FBXO11: variants seen among roughly 807,000 people sequenced by gnomAD.
FBXO11 encodes the protein F-box only protein 11.
In FBXO11, 13 loss-of-function variants were observed where a neutral mutation model predicts 117.0. That is an observed-to-expected ratio of 0.11 (90% confidence interval 0.07 to 0.18). The LOEUF (loss-of-function observed/expected upper bound fraction) is 0.18, where lower values mean the gene tolerates loss of function less well. Among genes scored for constraint, FBXO11 ranks in the 10% least tolerant of loss-of-function variants. FBXO11 has a pLI of 1.00. For synonymous variants in FBXO11, 490 were observed against 380.5 expected (o/e 1.29, Z -3.35); for missense variants, 767 against 1,164.4 (o/e 0.66, Z 4.97).
At chr2:47,861,125 C>T (rs1572862286) in intron 1 of FBXO11, among the ~76,000 whole-genome samples, 1 of 152,306 alleles carries the variant, frequency 6.6e-6, no homozygotes, top group South Asian at 2.1e-4. Flanking sequence ...GCTGGAATTA[C>T]AGGCATGAAC....
chr2:47,872,469 G>C (rs1056124133), intron 1 of FBXO11, among the ~76,000 whole-genome samples: 5 of 152,114 alleles, frequency 3.3e-5, no homozygotes, highest in Non-Finnish European at 7.4e-5. Flanking sequence ...GACTACAGGA[G>C]TGCGCCACCA....
intron 1 of FBXO11, among the ~76,000 whole-genome samples, chr2:47,875,685 TTC>T (rs1675950082): frequency 6.6e-6 from 1 of 152,154 alleles, no homozygotes; most frequent in African/African-American, 2.4e-5. Flanking sequence ...AAAATAAATT[TTC>T]TCTTTGTTCT....
chr2:47,821,586 G>T (rs1306168867), intron 13 of FBXO11, among the ~76,000 whole-genome samples: 2 of 151,586 alleles, frequency 1.3e-5, no homozygotes, highest in African/African-American at 4.9e-5. Context: ...CTCCAGCCTG[G>T]GTGATAGAGA....
intron 1 of FBXO11, among the ~76,000 whole-genome samples, chr2:47,858,333 T>C (rs1040446273): frequency 6.6e-6 from 1 of 151,502 alleles, no homozygotes; most frequent in African/African-American, 2.4e-5. Flanking sequence ...TTTCATGTAG[T>C]AAATCTACAG....
chr2:47,818,555 C>T (rs757069376), intron 16 of FBXO11: 16 of 436,702 alleles, frequency 3.7e-5, no homozygotes, highest in Middle Eastern at 6.4e-4. Context: ...GAAAGCAGAA[C>T]GGTGGAAGTG....
At chr2:47,834,519 A>C in intron 7 of FBXO11, 60 bp downstream of exon 7, 2 of 1,317,686 alleles carry the variant, frequency 1.5e-6, no homozygotes, top group South Asian at 3.5e-5. Flanking sequence ...GCATTTTTAA[A>C]ATCCTATCAC....
chr2:47,884,733 C>G (rs1430698620), intron 1 of FBXO11, among the ~76,000 whole-genome samples: 2 of 152,102 alleles, frequency 1.3e-5, no homozygotes, highest in African/African-American at 4.8e-5. Flanking sequence ...AAAGCTTTTA[C>G]ATGGGAGATG....
chr2:47,859,439 T>C (rs998012569), intron 1 of FBXO11, among the ~76,000 whole-genome samples: 1 of 152,336 alleles, frequency 6.6e-6, no homozygotes, highest in Admixed American at 6.5e-5. Flanking sequence ...ATTAAACTAA[T>C]TTCACCGATT....
rs1489161215 is a variant in FBXO11 at position 47,806,978 on chromosome 2, A to G, written c.*1140T>C. The stretch of plus-strand genomic sequence containing the variant: ...ACCATTTTTCCATTTTCTTTCTAGG[A>G]AATTAAACCCTTTTAATTCTTATCT... On this transcript the variant is annotated 3_prime_UTR_variant, in exon 23 of 23. Transcript: ENST00000403359. The G allele has an allele frequency of 1.2e-6, 1 of 803,384 alleles. No individual in the cohort carries two copies. The highest frequency in any genetic ancestry group is 1.7e-5 in the African/African-American group (1 of 57,996). 49.8% of individuals were successfully genotyped at this position (803,384 alleles called of 1,614,324 possible). A position where few individuals can be genotyped will look rare whatever the true frequency, so the allele number is the denominator to read the frequency against.
intron 1 of FBXO11, among the ~76,000 whole-genome samples, chr2:47,847,277 G>C (rs748657739): frequency 2.3e-4 from 35 of 151,912 alleles, no homozygotes; most frequent in Non-Finnish European, 4.7e-4. Flanking sequence ...TAAGCACTTA[G>C]GCTATAATGG....
intron 18 of FBXO11, chr2:47,810,988 C>G (rs758482495): frequency 2.6e-5 from 4 of 152,212 alleles, no homozygotes; most frequent in Non-Finnish European, 5.9e-5. Context: ...TCCCTCCAAC[C>G]TACTTGTTTG....
intron 1 of FBXO11, among the ~76,000 whole-genome samples, chr2:47,854,346 T>C (rs923294376): frequency 1.6e-4 from 25 of 151,946 alleles, no homozygotes; most frequent in Admixed American, 3.3e-4. Context: ...CTCTACTTAA[T>C]GTTTACTGTT....
rs1189033024 is a variant in FBXO11, at chr2:47,906,313, C to A, written c.-593G>T. Among the ~76,000 whole-genome samples the A allele has an allele frequency of 6.6e-6, 1 of 152,154 alleles. No homozygotes were observed. Among genetic ancestry groups the A allele is most frequent in the Non-Finnish European group, 1.5e-5 (1 of 68,014 alleles). On this transcript the variant is annotated 5_prime_UTR_variant, in exon 1 of 23. Transcript: ENST00000403359. ...TCTTCGGTCTCTTCTCTCTCCTCCC[C>A]CCCTTCTCTCCTCGGCGAAGGGGAA...
At chr2:47,836,711 G>A (rs971946474) in intron 4 of FBXO11, among the ~76,000 whole-genome samples, 2 of 152,104 alleles carry the variant, frequency 1.3e-5, no homozygotes, top group African/African-American at 4.8e-5. Context: ...CTTACAAACT[G>A]TTTACTCAGG....
At chr2:47,902,203 G>A (rs1678349306) in intron 1 of FBXO11, among the ~76,000 whole-genome samples, 1 of 152,184 alleles carries the variant, frequency 6.6e-6, no homozygotes, top group Non-Finnish European at 1.5e-5. Flanking sequence ...CAAAGTGCTG[G>A]GATTACAGGC....
At chr2:47,821,548 T>C (rs1206670479) in intron 13 of FBXO11, among the ~76,000 whole-genome samples, 1 of 150,762 alleles carries the variant, frequency 6.6e-6, no homozygotes, top group African/African-American at 2.4e-5. Context: ...AGGTGGAGCT[T>C]GCAGTGAGCC....
chr2:47,834,822 T>C lies in FBXO11; in HGVS notation c.767A>G (p.Asn256Ser). ...TTCTCTTCCTTTATATCTTGCAGGG[T>C]TACTGTAGAAATGTTCAGCAAATCC... ...KPGFAEHFYSNPARYKGRENM... is the reference protein window; with the variant it reads ...KPGFAEHFYSSPARYKGRENM... The change falls in exon 6 of 23, where the codon AAC becomes AGC. Residue 256 changes from asparagine (N) to serine (S), a missense_variant. Coordinates refer to ENST00000403359, the MANE Select transcript of FBXO11 (RefSeq NM_001190274.2). The C allele has an allele frequency of 6.2e-7, 1 of 1,613,500 alleles. No homozygotes were observed. The highest frequency in any genetic ancestry group is 8.5e-7 in the Non-Finnish European group (1 of 1,179,786).
intron 1 of FBXO11, among the ~76,000 whole-genome samples, chr2:47,883,144 A>G (rs1676560836): frequency 6.6e-6 from 1 of 152,202 alleles, no homozygotes; most frequent in African/African-American, 2.4e-5. Flanking sequence ...GTTCTGTAGC[A>G]ACACTTCACT....
intron 1 of FBXO11, among the ~76,000 whole-genome samples, chr2:47,886,289 AAGGTCAGG>A (rs1437919210): frequency 2.0e-5 from 3 of 152,018 alleles, no homozygotes; most frequent in African/African-American, 4.8e-5. Flanking sequence ...GGCAGATCAC[AAGGTCAGG>A]AGTTCAAGAC....
Sources: gnomAD v4.1 joint callset for allele counts (sites outside exome capture counted in the v4.1 genomes callset) on GRCh38, gnomAD v4.1.1 for gene constraint, MANE v1.5 for transcripts, NCBI Gene and HGNC (gene_info 2026-07-23, HGNC 2026-07-21) for gene names.